Variants in FAT3 observed in about 807,000 individuals in gnomAD.
The protein encoded by FAT3 is protocadherin Fat 3.
A neutral mutation model predicts 310.2 loss-of-function variants in FAT3; 95 were observed. The observed-to-expected ratio is 0.31, with a 90% confidence interval of 0.26 to 0.36. The LOEUF (loss-of-function observed/expected upper bound fraction) is 0.36. FAT3 is among the 10% of genes least tolerant of loss of function. FAT3 has a pLI of 1.00. For synonymous variants in FAT3, 2,314 were observed against 2,192.9 expected, an observed-to-expected ratio of 1.06 and a Z score of -1.54; for missense variants, 5,408 against 5,715.6, an observed-to-expected ratio of 0.95 and a Z score of 1.74.
intron 3 of FAT3, among the ~76,000 whole-genome samples, chr11:92,622,580 T>A (rs182337171): frequency 2.9e-4 from 44 of 152,212 alleles, no homozygotes; most frequent in Admixed American, 1.2e-3. Context: ...TCCCTTATGA[T>A]AAGAAACAAG....
intron 2 of FAT3, among the ~76,000 whole-genome samples, chr11:92,429,379 A>C (rs1020253710): frequency 2.0e-5 from 3 of 152,142 alleles, no homozygotes; most frequent in African/African-American, 7.2e-5. Context: ...GCCCATTTAC[A>C]TTTGAGGTTA....
intron 3 of FAT3, among the ~76,000 whole-genome samples, chr11:92,615,082 A>G (rs1940737828): frequency 6.6e-6 from 1 of 152,192 alleles, no homozygotes; most frequent in Non-Finnish European, 1.5e-5. Context: ...TAGTGCTAGT[A>G]CAAAATTGTT....
intron 3 of FAT3, among the ~76,000 whole-genome samples, chr11:92,577,021 ATCATTCATTCAT>A: frequency 6.6e-6 from 1 of 151,132 alleles, no homozygotes; most frequent in Middle Eastern, 3.4e-3. Flanking sequence ...TAGAATTCAA[ATCATTCATTCAT>A]TCATTCATTC....
chr11:92,733,959 C>T (rs1359684612), intron 4 of FAT3, among the ~76,000 whole-genome samples: 2 of 152,184 alleles, frequency 1.3e-5, no homozygotes, highest in African/African-American at 4.8e-5. Context: ...TTTAAGTACA[C>T]TTTCCTTTGC....
intron 2 of FAT3, among the ~76,000 whole-genome samples, chr11:92,373,520 A>G (rs1403412197): frequency 1.3e-5 from 2 of 152,002 alleles, no homozygotes; most frequent in Non-Finnish European, 2.9e-5. Context: ...CTATTTTCTC[A>G]TGTGCCTTTG....
chr11:92,874,121 C>T (rs982118808), intron 22 of FAT3, among the ~76,000 whole-genome samples: 4 of 140,784 alleles, frequency 2.8e-5, no homozygotes, highest in African/African-American at 9.9e-5. Flanking sequence ...ATTCTCCCCT[C>T]TGAACAAGAA....
chr11:92,253,565 C>T (rs11827367), intron 1 of FAT3, among the ~76,000 whole-genome samples: 11,057 of 152,060 alleles, frequency 0.073, 665 homozygotes, highest in African/African-American at 0.16. Context: ...TGGAATGGGC[C>T]TTGGTGCTCT....
At chr11:92,692,304 T>C (rs1943818942) in intron 3 of FAT3, among the ~76,000 whole-genome samples, 1 of 152,162 alleles carries the variant, frequency 6.6e-6, no homozygotes, top group Non-Finnish European at 1.5e-5. Flanking sequence ...CCACATCACC[T>C]TCATTCAGAT....
At chr11:92,244,775 T>G (rs1017845569) in intron 1 of FAT3, among the ~76,000 whole-genome samples, 1 of 152,068 alleles carries the variant, frequency 6.6e-6, no homozygotes, top group Non-Finnish European at 1.5e-5. Flanking sequence ...ATTTCTCTAA[T>G]GACCAGTGAT....
Position 92,798,220 on chromosome 11 carries a change from C to T in FAT3, c.5207C>T (p.Ser1736Phe). 1 of 1,613,934 alleles carries T rather than the reference C, an allele frequency of 6.2e-7. No homozygotes were observed. Reference sequence around the variant, plus strand: ...GCCCTGGATTATGAGCGCACATCCTCTTATCAACTCATCATTCAGGCCACC... The same window carrying T: ...GCCCTGGATTATGAGCGCACATCCTTTTATCAACTCATCATTCAGGCCACC... ...QKALDYERTS[S>F]YQLIIQATNM... Residue 1736 changes from serine (S) to phenylalanine (F), a missense_variant, in exon 10 of 28, where the codon TCT becomes TTT. Transcript: ENST00000525166.
At chr11:92,495,198 A>G (rs911024130) in intron 2 of FAT3, among the ~76,000 whole-genome samples, 1 of 152,106 alleles carries the variant, frequency 6.6e-6, no homozygotes, top group East Asian at 1.9e-4. Context: ...TGATCCACAT[A>G]GCAAAGCAGC....
chr11:92,347,046 G>A (rs1385284417), intron 1 of FAT3, among the ~76,000 whole-genome samples: 2 of 152,070 alleles, frequency 1.3e-5, no homozygotes, highest in African/African-American at 4.8e-5. Flanking sequence ...AATCCTATTC[G>A]GTAGGCATTA....
At chr11:92,238,404 A>G (rs1354865794) in intron 1 of FAT3, among the ~76,000 whole-genome samples, 1 of 152,124 alleles carries the variant, frequency 6.6e-6, no homozygotes, top group African/African-American at 2.4e-5. Context: ...CACCTCTGGA[A>G]TGTCCACATA....
chr11:92,416,832 C>A (rs1950426920), intron 2 of FAT3, among the ~76,000 whole-genome samples: 2 of 152,156 alleles, frequency 1.3e-5, no homozygotes, highest in South Asian at 4.1e-4. Context: ...CTCTAGCATC[C>A]TTTACAGATG....
At chr11:92,314,253 T>C in intron 1 of FAT3, 5 of 975,672 alleles carry the variant, frequency 5.1e-6, no homozygotes, top group Non-Finnish European at 6.1e-6. Flanking sequence ...GGTCATTGGA[T>C]CATTTGATTT....
intron 2 of FAT3, among the ~76,000 whole-genome samples, chr11:92,465,212 T>A (rs1340295571): frequency 1.3e-5 from 2 of 152,202 alleles, no homozygotes; most frequent in Non-Finnish European, 2.9e-5. Flanking sequence ...ATGTGAAAAC[T>A]ACTAATTGAA....
At chr11:92,283,370 G>T (rs1946478054) in intron 1 of FAT3, among the ~76,000 whole-genome samples, 1 of 152,120 alleles carries the variant, frequency 6.6e-6, no homozygotes. Context: ...ACCACCTTAA[G>T]AATTAAGCTT....
At position 92,513,046 on chromosome 11, in the gene FAT3, C is replaced by T. The variant is rs1215712648; in HGVS notation, c.3293-11588C>T. Among the ~76,000 whole-genome samples the T allele has an allele frequency of 4.3e-5, 2 of 46,564 alleles. 1 individual carries two copies. Among genetic ancestry groups the T allele is most frequent in the African/African-American group, 2.4e-4 (2 of 8,312 alleles). The allele number at this position is 46,564 out of a possible 152,430, so 30.5% of individuals were successfully genotyped here. ...CTGAGGCAGGAGAATGGCGTGAACC[C>T]GGGAGGCGGAGCTTGCAGTGAGCCG... is the stretch of plus-strand genomic sequence containing the variant. On this transcript the variant is annotated intron_variant, in intron 2 of 27. Coordinates refer to ENST00000525166, the MANE Select transcript of FAT3 (RefSeq NM_001367949.2).
At chr11:92,365,550 C>T (rs1335167439) in intron 2 of FAT3, among the ~76,000 whole-genome samples, 1 of 152,150 alleles carries the variant, frequency 6.6e-6, no homozygotes, top group African/African-American at 2.4e-5. Flanking sequence ...TGGAGCTTTG[C>T]ACTGAAGAGG....
Sources: gnomAD v4.1 joint callset for allele counts (sites outside exome capture counted in the v4.1 genomes callset) on GRCh38, gnomAD v4.1.1 for gene constraint, MANE v1.5 for transcripts, NCBI Gene and HGNC (gene_info 2026-07-23, HGNC 2026-07-21) for gene names.